Variants in MALRD1 observed in about 807,000 individuals in gnomAD.
MALRD1 encodes MAM and LDL-receptor class A domain-containing protein 1.
MALRD1 carries 247 observed loss-of-function variants against 242.1 expected under a neutral mutation model. The observed-to-expected ratio is 1.02, with a 90% CI of 0.92 to 1.13. MALRD1 has a LOEUF of 1.13. MALRD1 is among the 50% of genes most tolerant of loss of function. The pLI is 0.00. For missense variants in MALRD1, 2,989 were observed against 2,533.1 expected (o/e 1.18, Z -3.86); for synonymous variants, 995 against 866.6 (o/e 1.15, Z -2.60).
chr10:19,350,847 T>C (rs1220685622), intron 25 of MALRD1, among the ~76,000 whole-genome samples: 1 of 152,120 alleles, frequency 6.6e-6, no homozygotes, highest in Non-Finnish European at 1.5e-5. Context: ...GAGGTGGTCC[T>C]GGGATGCTGT....
At chr10:19,148,779 A>AT in intron 11 of MALRD1, among the ~76,000 whole-genome samples, 1 of 74,990 alleles carries the variant, frequency 1.3e-5, no homozygotes, top group African/African-American at 4.9e-5. Flanking sequence ...CAATTAAAAA[A>AT]AAAAAAAAAA....
At position 19,269,098 on chromosome 10, in the gene MALRD1, A is replaced by T. The variant is rs571405569; in HGVS notation, c.3080-10949A>T. On this transcript the variant is annotated intron_variant, in intron 19 of 39. Coordinates refer to ENST00000454679, the MANE Select transcript of MALRD1 (RefSeq NM_001142308.3). ...TCTTTGTTTAAAGAGACTTAAATCT[A>T]TCATTGCTACCAACTTTAGCCTTAT... Among the ~76,000 whole-genome samples, 14 of 152,354 alleles carry T rather than the reference A, an allele frequency of 9.2e-5. No homozygotes were observed. In the South Asian group the frequency reaches 2.9e-3, roughly 32 times the overall value.
At chr10:19,188,993 G>C (rs1835857674) in intron 14 of MALRD1, among the ~76,000 whole-genome samples, 1 of 152,078 alleles carries the variant, frequency 6.6e-6, no homozygotes, top group Non-Finnish European at 1.5e-5. Flanking sequence ...TCTTCAAAAA[G>C]ATTGGTAAAA....
chr10:19,550,266 A>C (rs1835419866), intron 32 of MALRD1, among the ~76,000 whole-genome samples: 1 of 152,124 alleles, frequency 6.6e-6, no homozygotes, highest in Non-Finnish European at 1.5e-5. Context: ...AACATGTCCT[A>C]GATTATTTAT....
chr10:19,491,615 T>C lies in MALRD1; in HGVS notation c.5128T>C (p.Cys1710Arg), dbSNP rs1837498405. 2.6e-6 allele frequency: 4 copies of C among 1,549,970 alleles called. No homozygotes were observed. In the East Asian group the frequency reaches 9.8e-5, roughly 38 times the overall value. The change falls in exon 30 of 40, where the codon TGC becomes CGC. Residue 1710 changes from cysteine (C) to arginine (R), a missense_variant. By Grantham distance (180) the Cys-to-Arg change is radical. Transcript: ENST00000454679. ...SHLLCDYKPD[C>R]SDRSDEAHCA... Reference sequence around the variant, plus strand: ...CCTTCTTTGTGACTATAAGCCAGACTGCTCTGATAGGTCTGATGAAGCTCA... The same window carrying C: ...CCTTCTTTGTGACTATAAGCCAGACCGCTCTGATAGGTCTGATGAAGCTCA...
intron 28 of MALRD1, among the ~76,000 whole-genome samples, chr10:19,429,922 C>G (rs965719124): frequency 1.3e-5 from 2 of 152,060 alleles, no homozygotes; most frequent in Non-Finnish European, 2.9e-5. Flanking sequence ...TCCCACAAAT[C>G]CTTGTCATAG....
chr10:19,479,966 T>C (rs3904887), intron 29 of MALRD1, among the ~76,000 whole-genome samples: 131,179 of 152,184 alleles, frequency 0.86, 56,702 homozygotes, highest in East Asian at 1. Flanking sequence ...CTCATGATCT[T>C]ACCTAGTAGC....
chr10:19,468,888 T>A (rs748370375), intron 29 of MALRD1, among the ~76,000 whole-genome samples: 1 of 152,124 alleles, frequency 6.6e-6, no homozygotes, highest in Non-Finnish European at 1.5e-5. Flanking sequence ...GGTAAAACTT[T>A]GTTTTCCTTT....
intron 11 of MALRD1, among the ~76,000 whole-genome samples, chr10:19,149,514 C>A (rs1053002341): frequency 6.6e-6 from 1 of 152,064 alleles, no homozygotes; most frequent in Non-Finnish European, 1.5e-5. Flanking sequence ...TAGTCACACA[C>A]AGATATATAT....
At chr10:19,699,203 T>TATAATAATAATAATA (rs149007944) in intron 38 of MALRD1, among the ~76,000 whole-genome samples, 170 of 147,286 alleles carry the variant, frequency 1.2e-3, no homozygotes, top group East Asian at 5.0e-3. Context: ...GAACTTAAAG[T>TATAATAATAATAATA]ATAATAATAA....
At chr10:19,707,786 TAAAAAAA>T (rs35967457) in intron 38 of MALRD1, among the ~76,000 whole-genome samples, 2 of 60,838 alleles carry the variant, frequency 3.3e-5, no homozygotes, top group African/African-American at 9.0e-5. Flanking sequence ...CCATCTGTAC[TAAAAAAA>T]AAAAAAAAAA....
At chr10:19,500,848 C>G (rs1009867316) in intron 31 of MALRD1, among the ~76,000 whole-genome samples, 8 of 152,046 alleles carry the variant, frequency 5.3e-5, no homozygotes, top group African/African-American at 1.7e-4. Context: ...TCTCAAATGC[C>G]AGGCACTTGG....
At chr10:19,218,460 T>A (rs16918361) in intron 18 of MALRD1, among the ~76,000 whole-genome samples, 2,744 of 152,308 alleles carry the variant, frequency 0.018, 90 homozygotes, top group African/African-American at 0.062. Flanking sequence ...AGAATTCCTG[T>A]GATACTTGCA....
At chr10:19,710,098 C>T (rs1389459235) in intron 38 of MALRD1, among the ~76,000 whole-genome samples, 3 of 152,104 alleles carry the variant, frequency 2.0e-5, no homozygotes, top group Non-Finnish European at 4.4e-5. Flanking sequence ...AAAACCCTAT[C>T]TGAATAACCA....
At chr10:19,112,306 G>A (rs1836705308) in intron 5 of MALRD1, among the ~76,000 whole-genome samples, 1 of 151,998 alleles carries the variant, frequency 6.6e-6, no homozygotes, top group Non-Finnish European at 1.5e-5. Flanking sequence ...TGCAATCCTG[G>A]TGGTGGTGGT....
chr10:19,278,938 A>G (rs954292238), intron 19 of MALRD1, among the ~76,000 whole-genome samples: 2 of 152,206 alleles, frequency 1.3e-5, no homozygotes, highest in Non-Finnish European at 2.9e-5. Flanking sequence ...AAATATATAC[A>G]TATTTACACT....
At chr10:19,530,426 TATAATATATATAA>T (rs1564417478) in intron 31 of MALRD1, among the ~76,000 whole-genome samples, 4 of 37,712 alleles carry the variant, frequency 1.1e-4, no homozygotes, top group Non-Finnish European at 4.1e-4. Flanking sequence ...ATAATAAATA[TATAATATATATAA>T]TATATAATAT....
At chr10:19,270,838 A>ACACACACACACG (rs1260066166) in intron 19 of MALRD1, among the ~76,000 whole-genome samples, 1 of 151,502 alleles carries the variant, frequency 6.6e-6, no homozygotes, top group African/African-American at 2.4e-5. Context: ...ACACACACAC[A>ACACACACACACG]CACACGCACA....
At chr10:19,360,862 T>A (rs2130704278) in intron 26 of MALRD1, among the ~76,000 whole-genome samples, 2 of 152,280 alleles carry the variant, frequency 1.3e-5, no homozygotes, top group South Asian at 4.1e-4. Context: ...TATTTGTTCA[T>A]AGTAGCATAG....
Sources: gnomAD v4.1 joint callset for allele counts (sites outside exome capture counted in the v4.1 genomes callset) on GRCh38, gnomAD v4.1.1 for gene constraint, MANE v1.5 for transcripts, NCBI Gene and HGNC (gene_info 2026-07-23, HGNC 2026-07-21) for gene names.